The following CSMD1 variants were observed in gnomAD, a reference collection of about 807,000 sequenced individuals.
CSMD1 encodes the protein CUB and sushi domain-containing protein 1.
CSMD1 carries 213 observed loss-of-function variants against 417.5 expected under a neutral mutation model. The observed-to-expected ratio is 0.51, with a 90% CI of 0.46 to 0.57. The LOEUF is 0.57. Ranked by LOEUF, CSMD1 falls within the 20% of genes least tolerant of loss-of-function variation. The pLI, the probability that CSMD1 is intolerant of heterozygous loss-of-function variation, is 0.00. For synonymous variants in CSMD1, 2,862 were observed against 1,736.8 expected (o/e 1.65, Z -16.11); for missense variants, 6,923 against 4,529.7 (o/e 1.53, Z -15.17).
intron 10 of CSMD1, among the ~76,000 whole-genome samples, chr8:3,508,146 T>C (rs111931913): frequency 2.6e-5 from 4 of 152,170 alleles, no homozygotes; most frequent in African/African-American, 9.7e-5. Context: ...ACACCACATG[T>C]TCTCACTCAT....
At chr8:4,713,881 G>C (rs1808473619) in intron 1 of CSMD1, among the ~76,000 whole-genome samples, 1 of 152,148 alleles carries the variant, frequency 6.6e-6, no homozygotes, top group African/African-American at 2.4e-5. Flanking sequence ...AAGTGGAGGT[G>C]GAGATAAAAT....
intron 50 of CSMD1, among the ~76,000 whole-genome samples, chr8:3,042,742 T>C (rs1811186784): frequency 6.6e-6 from 1 of 152,154 alleles, no homozygotes; most frequent in Non-Finnish European, 1.5e-5. Context: ...TCGTGTAAAA[T>C]GATTAAAACA....
chr8:3,953,388 C>A (rs1021180850), intron 5 of CSMD1, among the ~76,000 whole-genome samples: 19 of 152,038 alleles, frequency 1.2e-4, no homozygotes, highest in Admixed American at 1.1e-3. Flanking sequence ...TTTATATATA[C>A]TTAGATATTC....
At chr8:4,941,210 CA>C (rs1807975626) in intron 1 of CSMD1, among the ~76,000 whole-genome samples, 1 of 152,122 alleles carries the variant, frequency 6.6e-6, no homozygotes, top group South Asian at 2.1e-4. Context: ...ATTCTTGTTT[CA>C]AAACAACAAA....
intron 25 of CSMD1, among the ~76,000 whole-genome samples, chr8:3,286,648 T>C (rs1424207323): frequency 6.6e-6 from 1 of 150,624 alleles, no homozygotes; most frequent in African/African-American, 2.4e-5. Flanking sequence ...TCTGTTCATA[T>C]CCTTCACCCA....
chr8:4,430,608 T>C (rs1471110681), intron 2 of CSMD1, among the ~76,000 whole-genome samples: 1 of 152,132 alleles, frequency 6.6e-6, no homozygotes, highest in African/African-American at 2.4e-5. Flanking sequence ...GACAAGTTTG[T>C]CAAGAATTCA....
At chr8:4,458,805 CA>C (rs1452611219) in intron 2 of CSMD1, among the ~76,000 whole-genome samples, 1 of 151,962 alleles carries the variant, frequency 6.6e-6, no homozygotes, top group Non-Finnish European at 1.5e-5. Context: ...TTTTTTTTAA[CA>C]ACTTTTCAAT....
intron 5 of CSMD1, among the ~76,000 whole-genome samples, chr8:3,790,620 C>G (rs1322332833): frequency 6.6e-6 from 1 of 152,110 alleles, no homozygotes; most frequent in Admixed American, 6.5e-5. Context: ...TTCACAATAA[C>G]AACTTATCAA....
At chr8:4,402,071 G>A (rs147565393) in intron 3 of CSMD1, among the ~76,000 whole-genome samples, 1 of 152,006 alleles carries the variant, frequency 6.6e-6, no homozygotes, top group Non-Finnish European at 1.5e-5. Flanking sequence ...TAACCCCATG[G>A]CTTCCTTTGT....
intron 1 of CSMD1, among the ~76,000 whole-genome samples, chr8:4,951,418 A>T (rs76437598): frequency 0.028 from 4,218 of 150,844 alleles, 189 homozygotes; most frequent in African/African-American, 0.097. Flanking sequence ...ACCTTCTATT[A>T]AAAAAAAAGA....
At chr8:3,420,200 T>C (rs1037557269) in intron 12 of CSMD1, among the ~76,000 whole-genome samples, 1 of 152,148 alleles carries the variant, frequency 6.6e-6, no homozygotes, top group Admixed American at 6.5e-5. Context: ...TACAACTACT[T>C]TATGATATTC....
At chr8:3,709,833 G>T (rs1179629009) in intron 6 of CSMD1, among the ~76,000 whole-genome samples, 1 of 148,768 alleles carries the variant, frequency 6.7e-6, no homozygotes, top group Non-Finnish European at 1.5e-5. Context: ...GTTCCTTATA[G>T]TAAATCTGTG....
At chr8:3,482,503 A>T (rs1817805291) in intron 11 of CSMD1, among the ~76,000 whole-genome samples, 2 of 152,244 alleles carry the variant, frequency 1.3e-5, no homozygotes, top group South Asian at 4.1e-4. Context: ...ACCAAATATC[A>T]GAGCTTCACG....
chr8:2,998,625 T>G (rs1205775264), intron 53 of CSMD1, among the ~76,000 whole-genome samples: 1 of 152,208 alleles, frequency 6.6e-6, no homozygotes, highest in African/African-American at 2.4e-5. Context: ...CTTTTTAATG[T>G]CCATGTATAA....
chr8:3,670,503 T>TATATATCCC (rs1563254789), intron 7 of CSMD1, among the ~76,000 whole-genome samples: 4 of 139,954 alleles, frequency 2.9e-5, no homozygotes, highest in South Asian at 2.2e-4. Flanking sequence ...ATATATCCCA[T>TATATATCCC]ATATATATAT....
chr8:4,605,421 T>A lies in CSMD1; in HGVS notation c.302+31921A>T, dbSNP rs370304485. On this transcript the variant is annotated intron_variant, in intron 2 of 69. Transcript: ENST00000635120. ...AAGAATTGGAGGACCACTCTGAACA[T>A]AGAATGAGACTATAATGGTCCCCAG... Among the ~76,000 whole-genome samples, 52 of 152,302 alleles carry A rather than the reference T, an allele frequency of 3.4e-4. 1 individual carries two copies. The highest frequency in any genetic ancestry group is 2.5e-3 in the South Asian group (12 of 4,824).
At chr8:3,322,723 A>C (rs2117487118) in intron 23 of CSMD1, among the ~76,000 whole-genome samples, 1 of 152,348 alleles carries the variant, frequency 6.6e-6, no homozygotes, top group East Asian at 1.9e-4. Flanking sequence ...CAGTGGGGCA[A>C]GGTTGCCCAT....
intron 3 of CSMD1, among the ~76,000 whole-genome samples, chr8:4,208,103 C>G (rs1800090031): frequency 1.3e-5 from 2 of 152,202 alleles, no homozygotes; most frequent in South Asian, 4.1e-4. Context: ...AATATCAGGA[C>G]AAGCAATTTC....
At chr8:4,248,744 A>G (rs1802862526) in intron 3 of CSMD1, among the ~76,000 whole-genome samples, 1 of 152,140 alleles carries the variant, frequency 6.6e-6, no homozygotes, top group Non-Finnish European at 1.5e-5. Flanking sequence ...AACTGACATT[A>G]CATTACACTT....
Sources: gnomAD v4.1 joint callset for allele counts (sites outside exome capture counted in the v4.1 genomes callset) on GRCh38, gnomAD v4.1.1 for gene constraint, MANE v1.5 for transcripts, NCBI Gene and HGNC (gene_info 2026-07-23, HGNC 2026-07-21) for gene names.